Variants in ZNF737 observed in about 807,000 individuals in gnomAD.
ZNF737 encodes the protein zinc finger protein 737.
A neutral mutation model predicts 11.7 loss-of-function variants in ZNF737; 13 were observed. That is an observed-to-expected ratio of 1.11 (90% CI 0.73 to 1.77). The LOEUF (loss-of-function observed/expected upper bound fraction) is 1.77. Among genes scored for constraint, ZNF737 ranks in the 40% most tolerant of loss-of-function variants. The probability of loss-of-function intolerance (pLI) is 0.00; values close to 1 mark genes in which losing one functional copy is unlikely to be tolerated. For synonymous variants in ZNF737, 217 were observed against 216.2 expected, an observed-to-expected ratio of 1.00 and a Z score of -0.03; for missense variants, 636 against 638.0, an observed-to-expected ratio of 1.00 and a Z score of 0.03.
At chr19:20,563,182 T>TTTTTTTTTTTTTTTTTTTTTTTGAGACGG (rs1555762915) in intron 1 of ZNF737, among the ~76,000 whole-genome samples, 1 of 141,674 alleles carries the variant, frequency 7.1e-6, no homozygotes, top group African/African-American at 2.6e-5. Flanking sequence ...CCTTTCATCT[T>TTTTTTTTTTTTTTTTTTTTTTTGAGACGG]AACCTCAGCT....
At position 20,544,883 on chromosome 19, in the gene ZNF737, A is replaced by T; in HGVS notation, c.1320T>A (p.Leu440=). The change falls in exon 4 of 4, where the codon CTT becomes CTA. Residue 440 remains leucine, a synonymous_variant. Transcript: ENST00000427401. ...CAGTATGAATTCTCTTATGTGTAGTAAGGATAGAGAAGCACTTAAAGGCCT... is the reference window on the plus strand; with the variant it reads ...CAGTATGAATTCTCTTATGTGTAGTTAGGATAGAGAAGCACTTAAAGGCCT... The part of the protein sequence containing the change: ...CGKAFKCFSI[L]TTHKRIHTGE... 1 of 1,607,026 alleles carries T rather than the reference A, an allele frequency of 6.2e-7. No homozygotes were observed. Among genetic ancestry groups the T allele is most frequent in the South Asian group, 1.1e-5 (1 of 90,754 alleles).
chr19:20,548,069 A>T (rs186371328), intron 3 of ZNF737, among the ~76,000 whole-genome samples: 1 of 152,044 alleles, frequency 6.6e-6, no homozygotes, highest in Admixed American at 6.6e-5. Context: ...TTAAACCCAG[A>T]AGGCAGAGGT....
At position 20,540,112 on chromosome 19, in the gene ZNF737, G is replaced by A; in HGVS notation, c.*4480C>T. 1.0e-6 allele frequency: 1 copy of A among 985,340 alleles called. No individual in the cohort carries two copies. The highest frequency in any genetic ancestry group is 1.2e-6 in the Non-Finnish European group (1 of 829,914). 61.0% of individuals were successfully genotyped at this position (985,340 alleles called of 1,614,324 possible). ...TGTTCCTTACTGGAAGCAACATGGAGGAGGCAGAAATGATGGCAAGATACA... is the reference window on the plus strand; with the variant it reads ...TGTTCCTTACTGGAAGCAACATGGAAGAGGCAGAAATGATGGCAAGATACA... On this transcript the variant is annotated 3_prime_UTR_variant, in exon 4 of 4. Transcript: ENST00000427401.
At position 20,542,189 on chromosome 19, in the gene ZNF737, T is replaced by C; in HGVS notation, c.*2403A>G. On this transcript the variant is annotated 3_prime_UTR_variant, in exon 4 of 4. Coordinates refer to ENST00000427401, the MANE Select transcript of ZNF737 (RefSeq NM_001159293.2). ...CATTAAACGCACGGTAGTCTTACCA[T>C]GGTAAAAATAAAATAAAATTAAGTT... The C allele has an allele frequency of 1.0e-6, 1 of 984,750 alleles. No individual in the cohort carries two copies. The highest frequency in any genetic ancestry group is 1.2e-6 in the Non-Finnish European group (1 of 829,410). The allele number at this position is 984,750 out of a possible 1,614,324, so 61.0% of individuals were successfully genotyped here.
In ZNF737 at chr19:20,540,795, T is replaced by G. The variant is rs1246568734; in HGVS notation, c.*3797A>C. The G allele has an allele frequency of 1.1e-6, 1 of 904,054 alleles. No homozygotes were observed. The highest frequency in any genetic ancestry group is 1.3e-6 in the Non-Finnish European group (1 of 756,096). 56.0% of individuals were successfully genotyped at this position (904,054 alleles called of 1,614,324 possible). ...AAGAGTCTTTCTGCTGCTTTTGTTATCTACATAAACAAAGATATCAACTGG... is the reference window on the plus strand; with the variant it reads ...AAGAGTCTTTCTGCTGCTTTTGTTAGCTACATAAACAAAGATATCAACTGG... On this transcript the variant is annotated 3_prime_UTR_variant, in exon 4 of 4. Transcript: ENST00000427401.
At chr19:20,560,468 G>A (rs1422318758) in intron 1 of ZNF737, among the ~76,000 whole-genome samples, 2 of 151,872 alleles carry the variant, frequency 1.3e-5, no homozygotes, top group Admixed American at 1.3e-4. Flanking sequence ...AATGAAGCTG[G>A]AGACCATCAT....
chr19:20,530,865 G>A (rs1967808904), downstream of ZNF737, among the ~76,000 whole-genome samples: 2 of 148,308 alleles, frequency 1.3e-5, no homozygotes. Flanking sequence ...ACTTTGGGGG[G>A]CCAAGGCAGG....
intron 2 of ZNF737, among the ~76,000 whole-genome samples, chr19:20,553,014 A>G (rs80007389): frequency 7.3e-6 from 1 of 137,730 alleles, no homozygotes; most frequent in African/African-American, 2.6e-5. Flanking sequence ...TCTGTCCCCG[A>G]AAAAAAAAAA....
the ZNF737 span, among the ~76,000 whole-genome samples, chr19:20,530,516 C>T: frequency 1.4e-5 from 2 of 144,694 alleles, no homozygotes; most frequent in African/African-American, 5.2e-5. Flanking sequence ...TCAGATGGGG[C>T]GGTTGCCAGG....
downstream of ZNF737, among the ~76,000 whole-genome samples, chr19:20,537,315 C>T (rs1159678758): frequency 6.6e-6 from 1 of 151,532 alleles, no homozygotes; most frequent in African/African-American, 2.4e-5. Context: ...ACTCTTCTGC[C>T]TCAGCCTCCC....
At position 20,558,280 on chromosome 19, in the gene ZNF737, C is replaced by CAA. The variant is rs35879543; in HGVS notation, c.4-4447_4-4446dup. Reference sequence around the variant, plus strand: ...AGCCTGGGTGACAGAGACTCCGTCTCAAAAAAAAAAAAGAACCTATAATAA... The same window carrying CAA: ...AGCCTGGGTGACAGAGACTCCGTCTCAAAAAAAAAAAAAAGAACCTATAATAA... On this transcript the variant is annotated intron_variant, in intron 1 of 3. Coordinates refer to ENST00000427401, the MANE Select transcript of ZNF737 (RefSeq NM_001159293.2). 7.8e-3 allele frequency among the ~76,000 whole-genome samples: 1,107 copies of CAA among 142,654 alleles called. 6 individuals carry two copies. Among genetic ancestry groups the CAA allele is most frequent in the Middle Eastern group, 0.014 (4 of 284 alleles). 93.6% of individuals were successfully genotyped at this position (142,654 alleles called of 152,430 possible).
At position 20,539,317 on chromosome 19, in the gene ZNF737, A is replaced by C; in HGVS notation, c.*5275T>G. The C allele has an allele frequency of 1.0e-6, 1 of 984,738 alleles. No individual in the cohort carries two copies. Among genetic ancestry groups the C allele is most frequent in the Non-Finnish European group, 1.2e-6 (1 of 829,380 alleles). 61.0% of individuals were successfully genotyped at this position (984,738 alleles called of 1,614,324 possible). On this transcript the variant is annotated 3_prime_UTR_variant, in exon 4 of 4. Coordinates refer to ENST00000427401, the MANE Select transcript of ZNF737 (RefSeq NM_001159293.2). ...AAAAAAAAAAAGAAATTCTTTCTTC[A>C]ATTACTTGGAAACCCTGGGAAGCCC...
chr19:20,538,964 G>C lies in ZNF737; in HGVS notation c.*5628C>G. On this transcript the variant is annotated 3_prime_UTR_variant, in exon 4 of 4. Transcript: ENST00000427401. ...TTCAGTGTTAAAGCAAATCAGAGAA[G>C]AGCAATGTGTGTACATAATGTGCAT... 1 of 985,330 alleles carries C rather than the reference G, an allele frequency of 1.0e-6. No individual in the cohort carries two copies. The highest frequency in any genetic ancestry group is 1.2e-6 in the Non-Finnish European group (1 of 829,904). The allele number at this position is 985,330 out of a possible 1,614,324, so 61.0% of individuals were successfully genotyped here.
downstream of ZNF737, among the ~76,000 whole-genome samples, chr19:20,531,055 G>C (rs1488979724): frequency 1.4e-5 from 2 of 146,510 alleles, no homozygotes; most frequent in Admixed American, 6.8e-5. Context: ...GCAAAACCCC[G>C]TCTCCACCAA....
rs782308098 is a variant in ZNF737 at position 20,545,874 on chromosome 19, T to C, written c.329A>G (p.Asn110Ser). The C allele has an allele frequency of 1.9e-6, 3 of 1,613,372 alleles. No homozygotes were observed. The Admixed American group carries it at 5.0e-5, about 27-fold the overall frequency. Residue 110 changes from asparagine to serine, a missense_variant, in exon 4 of 4, where the codon AAT (asparagine) becomes AGT (serine). Asn to Ser is a conservative substitution (Grantham distance 46, BLOSUM62 1). Coordinates refer to ENST00000427401, the MANE Select transcript of ZNF737 (RefSeq NM_001159293.2). ...TTCACAGCCCTTTTTAAACTGTAAA[T>C]TGTCATGTCCATAGTTTTCATATCT... is the stretch of plus-strand genomic sequence containing the variant. Reference protein sequence around the residue: ...LRRYENYGHDNLQFKKGCESV... With the variant: ...LRRYENYGHDSLQFKKGCESV...
intron 3 of ZNF737, among the ~76,000 whole-genome samples, chr19:20,548,242 C>T (rs1968528060): frequency 6.6e-6 from 1 of 152,004 alleles, no homozygotes; most frequent in African/African-American, 2.4e-5. Flanking sequence ...TCACAAAAGC[C>T]AAAAGGCTGA....
Position 20,540,029 on chromosome 19 carries a change from A to T in ZNF737, c.*4563T>A, listed in dbSNP as rs1172452953. The T allele has an allele frequency of 9.1e-6, 9 of 985,176 alleles. No individual in the cohort carries two copies. The African/African-American group carries it at 1.2e-4, about 13-fold the overall frequency. The allele number at this position is 985,176 out of a possible 1,614,324, so 61.0% of individuals were successfully genotyped here. A position where few individuals can be genotyped will look rare whatever the true frequency, so the allele number is the denominator to read the frequency against. ...CTTAAGCTATCCCAGATGAGAGGTG[A>T]TTATTTCTTGAATGAATGAGATTCC... On this transcript the variant is annotated 3_prime_UTR_variant, in exon 4 of 4. Transcript: ENST00000427401.
At chr19:20,537,783 G>A (rs1968037782), downstream of ZNF737, among the ~76,000 whole-genome samples, 1 of 152,044 alleles carries the variant, frequency 6.6e-6, no homozygotes, top group Admixed American at 6.6e-5. Context: ...CCAAAGTGCT[G>A]GGATTACAGG....
chr19:20,544,173 C>A lies in ZNF737; in HGVS notation c.*419G>T. 9.9e-7 allele frequency: 1 copy of A among 1,006,070 alleles called. No individual in the cohort carries two copies. The highest frequency in any genetic ancestry group is 1.2e-6 in the Non-Finnish European group (1 of 843,068). The allele number at this position is 1,006,070 out of a possible 1,614,324, so 62.3% of individuals were successfully genotyped here. The stretch of plus-strand genomic sequence containing the variant: ...ACTTGTTATAGGATTTGCCACATTC[C>A]TCAAACTTGTAGGATTTTTGTCCAG... On this transcript the variant is annotated 3_prime_UTR_variant, in exon 4 of 4. Coordinates refer to ENST00000427401, the MANE Select transcript of ZNF737 (RefSeq NM_001159293.2).
Sources: gnomAD v4.1 joint callset for allele counts (sites outside exome capture counted in the v4.1 genomes callset) on GRCh38, gnomAD v4.1.1 for gene constraint, MANE v1.5 for transcripts, NCBI Gene and HGNC (gene_info 2026-07-23, HGNC 2026-07-21) for gene names.